The following KIAA1217 variants were observed in gnomAD, a reference collection of about 807,000 sequenced individuals.
KIAA1217 encodes KIAA1217.
KIAA1217 carries 88 observed loss-of-function variants against 163.9 expected under a neutral mutation model. The ratio of observed to expected loss-of-function variants is 0.54; its 90% CI spans 0.45 to 0.64. The LOEUF (loss-of-function observed/expected upper bound fraction) is 0.64, where lower values mean the gene tolerates loss of function less well. Ranked by LOEUF, KIAA1217 falls within the 30% of genes least tolerant of loss-of-function variation. The pLI, the probability that KIAA1217 is intolerant of heterozygous loss-of-function variation, is 0.00. For missense variants in KIAA1217, 2,372 were observed against 2,475.0 expected, an observed-to-expected ratio of 0.96 and a Z score of 0.88; for synonymous variants, 903 against 923.1, an observed-to-expected ratio of 0.98 and a Z score of 0.39.
At position 24,209,185 on chromosome 10, in the gene KIAA1217, G is replaced by A; in HGVS notation, c.-9G>A. 1.2e-6 allele frequency: 2 copies of A among 1,613,626 alleles called. No individual in the cohort carries two copies. Among genetic ancestry groups the A allele is most frequent in the South Asian group, 1.1e-5 (1 of 91,068 alleles). The stretch of plus-strand genomic sequence containing the variant: ...AGAGAGCGAGGAGCTTTTGCGGCAG[G>A]CAGAGACAATGGAAGAAAATGAAAG... On this transcript the variant is annotated 5_prime_UTR_variant, in exon 1 of 21. Coordinates refer to ENST00000376454, the MANE Select transcript of KIAA1217 (RefSeq NM_019590.5).
chr10:24,411,612 G>A (rs2057776998), intron 3 of KIAA1217, among the ~76,000 whole-genome samples: 1 of 152,120 alleles, frequency 6.6e-6, no homozygotes, highest in South Asian at 2.1e-4. Context: ...GTTTGTGTAT[G>A]CATGTGTGTG....
chr10:23,853,564 G>T (rs909789639), intron 1 of KIAA1217, among the ~76,000 whole-genome samples: 1 of 152,042 alleles, frequency 6.6e-6, no homozygotes, highest in Non-Finnish European at 1.5e-5. Context: ...TTTTTCTATT[G>T]ATTGCAATAG....
chr10:24,137,316 T>C (rs1043283311), intron 2 of KIAA1217, among the ~76,000 whole-genome samples: 5 of 152,180 alleles, frequency 3.3e-5, no homozygotes, highest in Non-Finnish European at 5.9e-5. Context: ...AGAGACCCAA[T>C]GACTGCAAGT....
intron 9 of KIAA1217, among the ~76,000 whole-genome samples, chr10:24,511,152 C>CAAGAAAAAAA (rs2069087002): frequency 2.9e-5 from 1 of 34,512 alleles, no homozygotes; most frequent in African/African-American, 1.9e-4. Context: ...GACTCTGTCT[C>CAAGAAAAAAA]AAAAAAAAAA....
At chr10:24,065,983 T>C (rs1397825247) in intron 2 of KIAA1217, among the ~76,000 whole-genome samples, 1 of 152,204 alleles carries the variant, frequency 6.6e-6, no homozygotes, top group South Asian at 2.1e-4. Context: ...TTTTTTGTTT[T>C]CCATTTGCTT....
intron 2 of KIAA1217, among the ~76,000 whole-genome samples, chr10:24,315,694 G>A (rs1335660853): frequency 1.3e-5 from 2 of 151,560 alleles, no homozygotes; most frequent in Admixed American, 6.6e-5. Context: ...CAAGGCTGCC[G>A]CGAGCTGTGA....
chr10:24,524,545 C>T lies in KIAA1217; in HGVS notation c.2679C>T (p.Val893=). The T allele has an allele frequency of 1.2e-6, 2 of 1,614,006 alleles. No homozygotes were observed. The highest frequency in any genetic ancestry group is 1.7e-6 in the Non-Finnish European group (2 of 1,179,964). ...MVRHAQSSPV[V]IQPSQHSVAL... ...GCCACGCGCAGAGCTCCCCTGTGGT[C>T]ATCCAGCCCTCCCAGCACTCCGTGG... The change falls in exon 13 of 21, where the codon GTC becomes GTT. Residue 893 remains valine, a synonymous_variant. Coordinates refer to ENST00000376454, the MANE Select transcript of KIAA1217 (RefSeq NM_019590.5).
At chr10:24,049,081 G>A (rs966565396) in intron 2 of KIAA1217, among the ~76,000 whole-genome samples, 8 of 147,058 alleles carry the variant, frequency 5.4e-5, no homozygotes, top group African/African-American at 2.0e-4. Context: ...TGAATGAGAA[G>A]TAATAAATAT....
chr10:23,973,928 A>G (rs1832306), intron 1 of KIAA1217, among the ~76,000 whole-genome samples: 4,010 of 152,340 alleles, frequency 0.026, 119 homozygotes, highest in East Asian at 0.13. Flanking sequence ...GGACAATCCT[A>G]GAATCAGATG....
intron 8 of KIAA1217, among the ~76,000 whole-genome samples, chr10:24,496,612 G>A (rs1014374673): frequency 6.6e-6 from 1 of 152,294 alleles, no homozygotes; most frequent in African/African-American, 2.4e-5. Flanking sequence ...CACTTTTCAT[G>A]CATTCACTCA....
At chr10:24,327,856 C>T (rs1326727553) in intron 2 of KIAA1217, among the ~76,000 whole-genome samples, 1 of 152,100 alleles carries the variant, frequency 6.6e-6, no homozygotes, top group Non-Finnish European at 1.5e-5. Flanking sequence ...TAACAAATGG[C>T]AGAGCCAAGA....
At chr10:24,484,344 A>G (rs1240226736) in intron 6 of KIAA1217, among the ~76,000 whole-genome samples, 1 of 146,972 alleles carries the variant, frequency 6.8e-6, no homozygotes, top group Non-Finnish European at 1.5e-5. Context: ...TCCCGGGTTC[A>G]AACAATTCTC....
In KIAA1217 at chr10:24,313,424, A is replaced by G. The variant is rs143112729; in HGVS notation, c.355-67445A>G. On this transcript the variant is annotated intron_variant, in intron 2 of 20. Coordinates refer to ENST00000376454, the MANE Select transcript of KIAA1217 (RefSeq NM_019590.5). The stretch of plus-strand genomic sequence containing the variant: ...TCGAGTGAGCAGCCGGGCTGTGTTC[A>G]GAAGAGCCCATTAGCAGAGCACGGG... 3.3e-5 allele frequency among the ~76,000 whole-genome samples: 5 copies of G among 152,306 alleles called. No homozygotes were observed. The East Asian group carries it at 9.6e-4, about 29-fold the overall frequency.
In KIAA1217 at chr10:23,904,852, C is replaced by A. The variant is rs139937635; in HGVS notation, c.-320-102373C>A. Among the ~76,000 whole-genome samples, 653 of 152,052 alleles carry A rather than the reference C, an allele frequency of 4.3e-3. 9 individuals carry two copies. The highest frequency in any genetic ancestry group is 0.014 in the African/African-American group (593 of 41,512). On this transcript the variant is annotated intron_variant, in intron 1 of 18. Coordinates refer to the KIAA1217 transcript ENST00000376462. Reference sequence around the variant, plus strand: ...CTATGAGGGTCAAAAATCTTTTATTCTTGTTTTACAGATGAAAAAAGACTC... The same window carrying A: ...CTATGAGGGTCAAAAATCTTTTATTATTGTTTTACAGATGAAAAAAGACTC...
At chr10:23,861,636 T>C (rs1281693788) in intron 1 of KIAA1217, among the ~76,000 whole-genome samples, 1 of 152,170 alleles carries the variant, frequency 6.6e-6, no homozygotes, top group Non-Finnish European at 1.5e-5. Context: ...GCTTCAGACA[T>C]ACTCGACTCA....
At chr10:24,169,780 A>G (rs146533461) in intron 2 of KIAA1217, among the ~76,000 whole-genome samples, 2,662 of 152,254 alleles carry the variant, frequency 0.017, 27 homozygotes, top group Middle Eastern at 0.058. Context: ...AGTCTGGGTC[A>G]TCATCTGGTT....
chr10:24,508,309 TA>T (rs529422233), intron 9 of KIAA1217, among the ~76,000 whole-genome samples: 37 of 152,232 alleles, frequency 2.4e-4, no homozygotes, highest in Admixed American at 1.1e-3. Flanking sequence ...GCATCAATGA[TA>T]AAAACAGCGC....
intron 2 of KIAA1217, among the ~76,000 whole-genome samples, chr10:24,118,549 G>A (rs551891672): frequency 6.6e-6 from 1 of 152,222 alleles, no homozygotes; most frequent in South Asian, 2.1e-4. Flanking sequence ...ACATCCTCAC[G>A]TTGCTGTAAA....
chr10:24,264,795 CT>C (rs2076064844), intron 2 of KIAA1217, among the ~76,000 whole-genome samples: 1 of 149,700 alleles, frequency 6.7e-6, no homozygotes, highest in African/African-American at 2.5e-5. Context: ...CTCTCTCTCT[CT>C]CTCTCTCATT....
Sources: allele counts gnomAD v4.1 joint callset (sites outside exome capture counted in the v4.1 genomes callset), GRCh38; gene constraint gnomAD v4.1.1; transcripts MANE v1.5; gene names NCBI Gene and HGNC (gene_info 2026-07-23, HGNC 2026-07-21).